The following PARP15 variants were observed in gnomAD, a reference collection of about 807,000 sequenced individuals.
PARP15 encodes the protein poly(ADP-ribose) polymerase family member 15, also known as protein mono-ADP-ribosyltransferase PARP15.
In PARP15, 50 loss-of-function variants were observed where a neutral mutation model predicts 62.1. The observed-to-expected ratio is 0.81, with a 90% CI of 0.64 to 1.02. The LOEUF (loss-of-function observed/expected upper bound fraction) is 1.02. Among genes scored for constraint, PARP15 ranks in the 50% least tolerant of loss-of-function variants. The pLI, the probability that PARP15 is intolerant of heterozygous loss-of-function variation, is 0.00. For synonymous variants in PARP15, 309 were observed against 293.1 expected (o/e 1.05, Z -0.55); for missense variants, 820 against 826.5 (o/e 0.99, Z 0.10).
At chr3:122,622,433 G>T (rs1030382751) in intron 8 of PARP15, among the ~76,000 whole-genome samples, 1 of 152,114 alleles carries the variant, frequency 6.6e-6, no homozygotes, top group Non-Finnish European at 1.5e-5. Flanking sequence ...TTGCTTTGTT[G>T]TGTCCCCAGA....
At chr3:122,632,529 G>C (rs988333908) in intron 10 of PARP15, among the ~76,000 whole-genome samples, 1 of 152,224 alleles carries the variant, frequency 6.6e-6, no homozygotes. Context: ...ATGGGCTTTG[G>C]AGAAGTCTGA....
At chr3:122,580,042 C>T (rs1290453201) in intron 1 of PARP15, among the ~76,000 whole-genome samples, 36 of 112,352 alleles carry the variant, frequency 3.2e-4, no homozygotes, top group East Asian at 8.2e-4. Context: ...TATATGCACG[C>T]GCGCACACAC....
chr3:122,617,658 A>G (rs1042439474), intron 6 of PARP15, among the ~76,000 whole-genome samples: 1 of 152,154 alleles, frequency 6.6e-6, no homozygotes, highest in African/African-American at 2.4e-5. Context: ...TTTGACTCCC[A>G]TTATAGTAAC....
At chr3:122,627,613 T>C (rs377524595) in intron 9 of PARP15, among the ~76,000 whole-genome samples, 5 of 152,250 alleles carry the variant, frequency 3.3e-5, no homozygotes, top group East Asian at 3.8e-4. Context: ...TGTACTGCTA[T>C]TAAAATAACT....
chr3:122,582,237 A>T (rs1476186247), intron 1 of PARP15, among the ~76,000 whole-genome samples: 5 of 152,062 alleles, frequency 3.3e-5, no homozygotes, highest in Admixed American at 3.3e-4. Flanking sequence ...AGTGGTGCAA[A>T]CACTGCTCAC....
Position 122,623,101 on chromosome 3 carries a change from A to G in PARP15, c.1231+1490A>G, listed in dbSNP as rs59273959. ...TAACCTTTTGTTATAACCTTTTGCTATCGGCGGTAATGAGGCCAATAGGGA... is the reference window on the plus strand; with the variant it reads ...TAACCTTTTGTTATAACCTTTTGCTGTCGGCGGTAATGAGGCCAATAGGGA... On this transcript the variant is annotated intron_variant, in intron 8 of 11. Transcript: ENST00000464300. Among the ~76,000 whole-genome samples the G allele has an allele frequency of 2.7e-3, 411 of 152,300 alleles. 4 individuals carry two copies. Among genetic ancestry groups the G allele is most frequent in the African/African-American group, 9.5e-3 (396 of 41,558 alleles).
chr3:122,630,066 C>G (rs1297389508), intron 9 of PARP15, among the ~76,000 whole-genome samples: 1 of 152,168 alleles, frequency 6.6e-6, no homozygotes, highest in Non-Finnish European at 1.5e-5. Flanking sequence ...AAACACTAAT[C>G]TTTTCAAAGA....
At position 122,591,773 on chromosome 3, in the gene PARP15, A is replaced by T. The variant is rs1933944006; in HGVS notation, c.186+13920A>T. ...GAGCGAGACTCTGTCTCAAAAAAAA[A>T]AAAAAAAAGGTATTGATAAGACAGA... On this transcript the variant is annotated intron_variant, in intron 1 of 11. Transcript: ENST00000464300. Among the ~76,000 whole-genome samples the T allele has an allele frequency of 2.0e-5, 3 of 151,588 alleles. No individual in the cohort carries two copies. In the South Asian group the frequency reaches 6.3e-4, roughly 32 times the overall value.
chr3:122,614,301 G>A (rs773621985), intron 4 of PARP15, among the ~76,000 whole-genome samples: 2 of 152,150 alleles, frequency 1.3e-5, no homozygotes, highest in Non-Finnish European at 2.9e-5. Flanking sequence ...GGACTGACAA[G>A]CAATTGCTAC....
chr3:122,595,705 A>AT (rs975343119), intron 1 of PARP15, among the ~76,000 whole-genome samples: 8 of 151,536 alleles, frequency 5.3e-5, no homozygotes, highest in East Asian at 1.9e-4. Flanking sequence ...TAATTTTTGT[A>AT]TTTTTTTTGT....
At chr3:122,634,930 T>C (rs1363781243) in intron 10 of PARP15, 90 bp from the exon 11 acceptor site, 1 of 1,316,740 alleles carries the variant, frequency 7.6e-7, no homozygotes, top group Non-Finnish European at 1.1e-6. Flanking sequence ...CTTCCTTCTT[T>C]TTCATATTGC....
Position 122,637,171 on chromosome 3 carries a change from A to G in PARP15, c.*1071A>G, listed in dbSNP as rs1272748570. The G allele has an allele frequency of 6.6e-6, 1 of 152,164 alleles. No homozygotes were observed. Among genetic ancestry groups the G allele is most frequent in the Non-Finnish European group, 1.5e-5 (1 of 68,076 alleles). The allele number at this position is 152,164 out of a possible 1,614,324, so 9.4% of individuals were successfully genotyped here. A position where few individuals can be genotyped will look rare whatever the true frequency, so the allele number is the denominator to read the frequency against. ...TGTGAATGAGCAAATGAATGCACAG[A>G]TAGAATATTAGCAGTGACAATGATG... On this transcript the variant is annotated 3_prime_UTR_variant, in exon 12 of 12. Coordinates refer to ENST00000464300, the MANE Select transcript of PARP15 (RefSeq NM_001113523.3).
At chr3:122,623,622 T>C (rs1936491140) in intron 8 of PARP15, among the ~76,000 whole-genome samples, 1 of 152,022 alleles carries the variant, frequency 6.6e-6, no homozygotes, top group Non-Finnish European at 1.5e-5. Context: ...GAGGAGGAAG[T>C]GGGAGGCCAT....
In PARP15 at chr3:122,636,240, G is replaced by T. The variant is rs1160947277; in HGVS notation, c.*140G>T. 5.0e-6 allele frequency: 4 copies of T among 805,162 alleles called. No homozygotes were observed. Among genetic ancestry groups the T allele is most frequent in the Non-Finnish European group, 7.6e-6 (4 of 524,330 alleles). 49.9% of individuals were successfully genotyped at this position (805,162 alleles called of 1,614,324 possible). On this transcript the variant is annotated 3_prime_UTR_variant, in exon 12 of 12. Coordinates refer to ENST00000464300, the MANE Select transcript of PARP15 (RefSeq NM_001113523.3). ...ATGCTGAAAATTACCTTTTTAAAGT[G>T]CTCTATTGCTGCGATTTGTAGCATA... is the stretch of plus-strand genomic sequence containing the variant.
At chr3:122,618,940 A>G (rs1369181205) in intron 6 of PARP15, among the ~76,000 whole-genome samples, 1 of 152,212 alleles carries the variant, frequency 6.6e-6, no homozygotes, top group African/African-American at 2.4e-5. Flanking sequence ...TTTGAGGAAA[A>G]TCTTCACAGC....
intron 1 of PARP15, among the ~76,000 whole-genome samples, chr3:122,589,903 T>G (rs1204390659): frequency 6.7e-6 from 1 of 149,214 alleles, no homozygotes; most frequent in Admixed American, 6.7e-5. Flanking sequence ...TTTTTTTTTT[T>G]TTTTTTGAGA....
rs1019992523 is a variant in PARP15 at position 122,638,762 on chromosome 3, C to G, written c.*2662C>G. The G allele has an allele frequency of 6.6e-6, 1 of 152,072 alleles. No individual in the cohort carries two copies. Among genetic ancestry groups the G allele is most frequent in the Admixed American group, 6.6e-5 (1 of 15,264 alleles). 9.4% of individuals were successfully genotyped at this position (152,072 alleles called of 1,614,324 possible). A position where few individuals can be genotyped will look rare whatever the true frequency, so the allele number is the denominator to read the frequency against. The stretch of plus-strand genomic sequence containing the variant: ...CCATTCTGTAGGTTGCCTGTTCACT[C>G]TGATGGTAGTTTCTTTTGTTGTACA... On this transcript the variant is annotated 3_prime_UTR_variant, in exon 12 of 12. Transcript: ENST00000464300.
At chr3:122,626,758 G>T in intron 8 of PARP15, 69 bp from the exon 9 acceptor site, 1 of 1,415,260 alleles carries the variant, frequency 7.1e-7, no homozygotes, top group Non-Finnish European at 9.7e-7. Flanking sequence ...ACTGAGAACT[G>T]GATTTGCCAT....
In PARP15 at chr3:122,621,576, A is replaced by G; in HGVS notation, c.1196A>G (p.Lys399Arg). Residue 399 changes from lysine to arginine, a missense_variant, in exon 8 of 12, where the codon AAG becomes AGG. Physicochemically the swap from Lys to Arg is conservative, Grantham distance 26. Transcript: ENST00000464300. ...GTTCTAGAAGAGTGTGAACAGAGGA[A>G]GTACACATCGGTTTCCCTTCCAGCC... ...TSVLEECEQR[K>R]YTSVSLPAIG... is the part of the protein sequence containing the mutation. 1.2e-6 allele frequency: 2 copies of G among 1,605,730 alleles called. No individual in the cohort carries two copies. The highest frequency in any genetic ancestry group is 1.7e-6 in the Non-Finnish European group (2 of 1,177,532).
Sources: allele counts gnomAD v4.1 joint callset (sites outside exome capture counted in the v4.1 genomes callset), GRCh38; gene constraint gnomAD v4.1.1; transcripts MANE v1.5; gene names NCBI Gene and HGNC (gene_info 2026-07-23, HGNC 2026-07-21).